Variants in IL18R1 observed in about 807,000 individuals in gnomAD.
The protein encoded by IL18R1 is interleukin-18 receptor 1.
A neutral mutation model predicts 48.5 loss-of-function variants in IL18R1; 40 were observed. The ratio of observed to expected loss-of-function variants is 0.82; its 90% confidence interval spans 0.64 to 1.07. The LOEUF is 1.07. Ranked by LOEUF, IL18R1 falls within the 50% of genes least tolerant of loss-of-function variation. The pLI, the probability that IL18R1 is intolerant of heterozygous loss-of-function variation, is 0.00. For synonymous variants in IL18R1, 232 were observed against 225.9 expected (o/e 1.03, Z -0.24); for missense variants, 596 against 633.7 (o/e 0.94, Z 0.64).
At chr2:102,356,532 G>A (rs1018147873) in intron 1 of IL18R1, 132 bp downstream of exon 1, 2 of 153,516 alleles carry the variant, frequency 1.3e-5, no homozygotes, top group African/African-American at 4.8e-5. Context: ...GTGTGAATAC[G>A]TGTGAATAAT....
intron 10 of IL18R1, 108 bp downstream of exon 10, chr2:102,394,735 A>G: frequency 1.1e-6 from 1 of 896,290 alleles, no homozygotes. Context: ...CAAATGAATA[A>G]GGTCCTTTAA....
Position 102,397,058 on chromosome 2 carries a change from G to A in IL18R1, c.*172G>A, listed in dbSNP as rs1313896396. ...TGGCGGGAATGAGACTAAAGATTGC[G>A]CTGTGGGCTGTGGTCACGTGCTCCC... On this transcript the variant is annotated 3_prime_UTR_variant, in exon 11 of 11. Coordinates refer to ENST00000233957, the MANE Select transcript of IL18R1 (RefSeq NM_003855.5). 1.1e-5 allele frequency: 6 copies of A among 542,848 alleles called. No homozygotes were observed. Among genetic ancestry groups the A allele is most frequent in the East Asian group, 3.0e-5 (1 of 33,436 alleles). 33.6% of individuals were successfully genotyped at this position (542,848 alleles called of 1,614,324 possible). A position where few individuals can be genotyped will look rare whatever the true frequency, so the allele number is the denominator to read the frequency against.
intron 2 of IL18R1, among the ~76,000 whole-genome samples, chr2:102,366,064 A>G (rs1475995796): frequency 6.6e-6 from 1 of 152,128 alleles, no homozygotes; most frequent in Admixed American, 6.5e-5. Context: ...GGCAATTAAC[A>G]TTTGAGTCCT....
At chr2:102,369,101 T>C (rs376007085) in intron 3 of IL18R1, among the ~76,000 whole-genome samples, 1 of 152,096 alleles carries the variant, frequency 6.6e-6, no homozygotes, top group East Asian at 1.9e-4. Flanking sequence ...ATTACAGAAA[T>C]GGGTCACAAC....
intron 4 of IL18R1, 111 bp from the exon 5 acceptor site, chr2:102,375,796 T>G: frequency 1.5e-6 from 1 of 678,052 alleles, no homozygotes; most frequent in Non-Finnish European, 2.3e-6. Flanking sequence ...AATTGCTACT[T>G]TCCATTCTTT....
intron 5 of IL18R1, among the ~76,000 whole-genome samples, chr2:102,380,138 T>C (rs1679833473): frequency 6.6e-6 from 1 of 151,928 alleles, no homozygotes; most frequent in Admixed American, 6.5e-5. Flanking sequence ...CCATTTTGAC[T>C]CTGATAGCCT....
intron 5 of IL18R1, among the ~76,000 whole-genome samples, chr2:102,379,364 G>A (rs1229536771): frequency 2.0e-5 from 3 of 146,374 alleles, no homozygotes; most frequent in African/African-American, 7.7e-5. Flanking sequence ...AGAATTGCTT[G>A]AACCCAGGAG....
At chr2:102,389,179 T>TA (rs1680419372) in intron 8 of IL18R1, among the ~76,000 whole-genome samples, 3 of 152,154 alleles carry the variant, frequency 2.0e-5, no homozygotes, top group Admixed American at 2.0e-4. Context: ...TATTATGAAT[T>TA]ATAATTTTAA....
At chr2:102,362,915 A>G (rs1046365644) in intron 2 of IL18R1, 197 bp downstream of exon 2, 2 of 378,538 alleles carry the variant, frequency 5.3e-6, no homozygotes, top group Non-Finnish European at 9.4e-6. Flanking sequence ...CTGAGGTGAA[A>G]ATTTATTTCA....
chr2:102,396,707 A>G lies in IL18R1; in HGVS notation c.1447A>G (p.Thr483Ala), dbSNP rs371601674. 7.4e-6 allele frequency: 12 copies of G among 1,614,028 alleles called. No individual in the cohort carries two copies. The highest frequency in any genetic ancestry group is 7.6e-6 in the Non-Finnish European group (9 of 1,179,984). The change falls in exon 11 of 11, where the codon ACA becomes GCA. Residue 483 changes from threonine to alanine, a missense_variant. This residue lies in a region of IL18R1 where 179 missense variants were observed against 206.1 expected (regional missense o/e 0.87). Coordinates refer to ENST00000233957, the MANE Select transcript of IL18R1 (RefSeq NM_003855.5). ...TGAATTTACACCTGTTACTGACTTCACATTCTTGCCCCAATCACTAAAGCT... is the reference window on the plus strand; with the variant it reads ...TGAATTTACACCTGTTACTGACTTCGCATTCTTGCCCCAATCACTAAAGCT... ...LIEFTPVTDF[T>A]FLPQSLKLLK...
At position 102,381,664 on chromosome 2, in the gene IL18R1, C is replaced by CA; in HGVS notation, c.671dup (p.His224GlnfsTer20). 1 of 1,612,014 alleles carries CA rather than the reference C, an allele frequency of 6.2e-7. No homozygotes were observed. Among genetic ancestry groups the CA allele is most frequent in the South Asian group, 1.1e-5 (1 of 91,022 alleles). Reference sequence around the variant, plus strand: ...GGTTCTTCTTGGACCAAAGCTTAACCATGTTGCAGTGGAATTAGGTATATT... The same window carrying CA: ...GGTTCTTCTTGGACCAAAGCTTAACCAATGTTGCAGTGGAATTAGGTATATT... On this transcript the variant is annotated frameshift_variant, in exon 6 of 11. Transcript: ENST00000233957. LOFTEE classifies it high-confidence loss of function.
intron 10 of IL18R1, among the ~76,000 whole-genome samples, chr2:102,395,484 A>C (rs1169641814): frequency 1.3e-5 from 2 of 152,274 alleles, no homozygotes; most frequent in East Asian, 1.9e-4. Context: ...TCCCCCCCAT[A>C]TTACAAAGTA....
chr2:102,384,754 A>G (rs1039217999), intron 6 of IL18R1, 124 bp from the exon 7 acceptor site: 10 of 1,016,258 alleles, frequency 9.8e-6, no homozygotes, highest in Non-Finnish European at 1.5e-5. Flanking sequence ...AGGCATATTT[A>G]TTCTCTTTCT....
intron 8 of IL18R1, among the ~76,000 whole-genome samples, chr2:102,388,217 G>A (rs930391267): frequency 6.6e-6 from 1 of 152,104 alleles, no homozygotes; most frequent in Non-Finnish European, 1.5e-5. Context: ...TTTTAGAGCC[G>A]CCTCTCTACC....
intron 9 of IL18R1, among the ~76,000 whole-genome samples, chr2:102,390,826 G>C (rs1430065268): frequency 2.0e-5 from 3 of 151,576 alleles, no homozygotes; most frequent in Admixed American, 6.6e-5. Flanking sequence ...CCAGCTACTC[G>C]GGAGGCTGAG....
intron 9 of IL18R1, among the ~76,000 whole-genome samples, chr2:102,390,705 G>C (rs922653219): frequency 6.6e-6 from 1 of 151,930 alleles, no homozygotes; most frequent in Non-Finnish European, 1.5e-5. Context: ...AGTCCGAGAC[G>C]GGCAGATCAC....
At chr2:102,376,133 A>G in intron 5 of IL18R1, 70 bp downstream of exon 5, 1 of 1,324,956 alleles carries the variant, frequency 7.5e-7, no homozygotes, top group Non-Finnish European at 1.0e-6. Context: ...CATTCTTCAA[A>G]ACTGTGTAGG....
chr2:102,371,459 T>C (rs1679255217), intron 3 of IL18R1, among the ~76,000 whole-genome samples: 1 of 152,116 alleles, frequency 6.6e-6, no homozygotes, highest in Admixed American at 6.6e-5. Flanking sequence ...CAGACTTTGG[T>C]TTATTCAACA....
At position 102,371,365 on chromosome 2, in the gene IL18R1, A is replaced by C. The variant is rs560850582; in HGVS notation, c.303-588A>C. Reference sequence around the variant, plus strand: ...TCACTAATTTCTGATCAGGAGTAACAACAACTATAAAATCTATTCACACTC... The same window carrying C: ...TCACTAATTTCTGATCAGGAGTAACCACAACTATAAAATCTATTCACACTC... On this transcript the variant is annotated intron_variant, in intron 3 of 10. Coordinates refer to ENST00000233957, the MANE Select transcript of IL18R1 (RefSeq NM_003855.5). Among the ~76,000 whole-genome samples, 5 of 152,304 alleles carry C rather than the reference A, an allele frequency of 3.3e-5. 1 individual carries two copies. The highest frequency in any genetic ancestry group is 1.2e-4 in the African/African-American group (5 of 41,566).
Sources: allele counts gnomAD v4.1 joint callset (sites outside exome capture counted in the v4.1 genomes callset), GRCh38; gene constraint gnomAD v4.1.1; regional missense constraint gnomAD v4.1.1; transcripts MANE v1.5; gene names NCBI Gene and HGNC (gene_info 2026-07-23, HGNC 2026-07-21).